The following PUDP variants were observed in gnomAD, a reference collection of about 807,000 sequenced individuals.
PUDP encodes pseudouridine-5'-phosphatase.
PUDP carries 8 observed loss-of-function variants against 9.4 expected under a neutral mutation model. That is an observed-to-expected ratio of 0.85 (90% CI 0.50 to 1.53). PUDP has a LOEUF of 1.53. Ranked by LOEUF, PUDP falls within the 40% of genes most tolerant of loss-of-function variation. The probability of loss-of-function intolerance (pLI) is 0.00; values close to 1 mark genes in which losing one functional copy is unlikely to be tolerated. For synonymous variants in PUDP, 99 were observed against 80.7 expected (o/e 1.23, Z -1.22); for missense variants, 188 against 189.7 (o/e 0.99, Z 0.05).
At chrX:6,789,448 T>C (rs1377846698) in intron 3 of PUDP, among the ~76,000 whole-genome samples, 9 of 108,773 alleles carry the variant, frequency 8.3e-5, no homozygotes, top group Admixed American at 2.0e-4. Flanking sequence ...GGAATTTGCA[T>C]TGTGTCCCAA....
intron 2 of PUDP, among the ~76,000 whole-genome samples, chrX:7,086,819 G>A (rs1383234450): frequency 3.6e-5 from 4 of 112,028 alleles, no homozygotes; most frequent in East Asian, 5.6e-4. Flanking sequence ...CACAGGATCC[G>A]GCTTATGGAA....
chrX:6,985,478 C>G (rs1466837905), intron 1 of PUDP, among the ~76,000 whole-genome samples: 1 of 110,123 alleles, frequency 9.1e-6, no homozygotes, highest in African/African-American at 3.3e-5. Context: ...TCTTCAGACC[C>G]CTAATAAAGC....
intron 1 of PUDP, among the ~76,000 whole-genome samples, chrX:7,131,459 C>T (rs1932618217): frequency 9.1e-6 from 1 of 110,147 alleles, no homozygotes; most frequent in Non-Finnish European, 1.9e-5. Context: ...GGCAGGGGTC[C>T]TTATTTATAA....
At chrX:6,880,103 GTTTT>G (rs200649633) in intron 3 of PUDP, among the ~76,000 whole-genome samples, 2 of 104,089 alleles carry the variant, frequency 1.9e-5, no homozygotes, top group East Asian at 3.0e-4. Context: ...AATCGTTAAG[GTTTT>G]TTTTTTTTTA....
chrX:6,788,641 G>T (rs1925686868), intron 3 of PUDP, among the ~76,000 whole-genome samples: 2 of 111,796 alleles, frequency 1.8e-5, no homozygotes. Context: ...GGAGGCAGAG[G>T]TTGCAGTGAG....
chrX:6,768,849 C>T (rs1367872327), intron 3 of PUDP, among the ~76,000 whole-genome samples: 6 of 111,431 alleles, frequency 5.4e-5, no homozygotes, highest in African/African-American at 9.8e-5. Flanking sequence ...CACACTTTTA[C>T]GAGTTTTATA....
intron 3 of PUDP, among the ~76,000 whole-genome samples, chrX:6,946,729 AAGC>A (rs1403687752): frequency 1.8e-5 from 2 of 111,750 alleles, no homozygotes; most frequent in African/African-American, 6.5e-5. Context: ...AAAAATCACA[AAGC>A]AGCGATTACA....
At chrX:6,707,349 G>C (rs1924482316) in intron 1 of PUDP, among the ~76,000 whole-genome samples, 1 of 111,346 alleles carries the variant, frequency 9.0e-6, no homozygotes, top group Non-Finnish European at 1.9e-5. Flanking sequence ...ACTGCAGTGG[G>C]GATACAGGGG....
chrX:7,142,050 A>G (rs1456927969), intron 1 of PUDP, among the ~76,000 whole-genome samples: 1 of 112,372 alleles, frequency 8.9e-6, no homozygotes, highest in Non-Finnish European at 1.9e-5. Flanking sequence ...GAGATGTACA[A>G]GGAGATTCGT....
intron 3 of PUDP, among the ~76,000 whole-genome samples, chrX:6,920,079 G>T (rs182852574): frequency 2.5e-4 from 27 of 108,731 alleles, no homozygotes; most frequent in African/African-American, 8.4e-4. Context: ...TAGAATCAAT[G>T]GGGCAAGGGG....
chrX:6,848,851 C>T (rs111805368), intron 3 of PUDP, among the ~76,000 whole-genome samples: 1 of 112,325 alleles, frequency 8.9e-6, no homozygotes, highest in African/African-American at 3.2e-5. Flanking sequence ...TGGAGCCATG[C>T]TTGTAGAGCC....
chrX:7,132,303 C>G (rs1299055696), intron 1 of PUDP, among the ~76,000 whole-genome samples: 1 of 112,070 alleles, frequency 8.9e-6, no homozygotes, highest in Non-Finnish European at 1.9e-5. Context: ...ACTTAAAGCT[C>G]TCTCCTCAAA....
chrX:7,069,126 G>A (rs1021784988), intron 3 of PUDP, among the ~76,000 whole-genome samples: 17 of 111,984 alleles, frequency 1.5e-4, no homozygotes, highest in African/African-American at 5.5e-4. Flanking sequence ...GAGAGAAACA[G>A]TGGGAGCAGT....
chrX:6,911,669 T>G (rs111970028), intron 3 of PUDP, among the ~76,000 whole-genome samples: 2,229 of 111,202 alleles, frequency 0.02, 51 homozygotes, highest in African/African-American at 0.069. Context: ...ATGTTTGAAT[T>G]GCCTTTTTAA....
chrX:6,796,350 G>C (rs1376959789), intron 3 of PUDP, among the ~76,000 whole-genome samples: 1 of 111,944 alleles, frequency 8.9e-6, no homozygotes, highest in East Asian at 2.8e-4. Context: ...GTGTTTGTCG[G>C]CAAGCCCCTT....
chrX:6,831,341 A>G (rs1766792184), intron 3 of PUDP, among the ~76,000 whole-genome samples: 1 of 112,314 alleles, frequency 8.9e-6, no homozygotes, highest in Non-Finnish European at 1.9e-5. Flanking sequence ...GTTAGCCTTG[A>G]AAAGGCAGTC....
intron 3 of PUDP, among the ~76,000 whole-genome samples, chrX:6,809,596 C>A (rs1926108957): frequency 9.0e-6 from 1 of 110,723 alleles, no homozygotes; most frequent in South Asian, 3.9e-4. Flanking sequence ...AGCACCAAGC[C>A]CTATATGCCT....
intron 3 of PUDP, among the ~76,000 whole-genome samples, chrX:6,792,847 T>C (rs1406508252): frequency 8.9e-6 from 1 of 112,756 alleles, no homozygotes; most frequent in African/African-American, 3.2e-5. Flanking sequence ...TTGCAATGGG[T>C]GAAAAGTCTT....
upstream of PUDP, among the ~76,000 whole-genome samples, chrX:6,722,455 A>AG (rs1287493448): frequency 9.0e-6 from 1 of 110,729 alleles, no homozygotes; most frequent in Non-Finnish European, 1.9e-5. Flanking sequence ...AAAAAAAAAA[A>AG]TCTAAATTTA....
Sources: allele counts gnomAD v4.1 joint callset (sites outside exome capture counted in the v4.1 genomes callset), GRCh38; gene constraint gnomAD v4.1.1; transcripts MANE v1.5; gene names NCBI Gene and HGNC (gene_info 2026-07-23, HGNC 2026-07-21).